The following TSPAN3 variants were observed in gnomAD, a reference collection of about 807,000 sequenced individuals.
TSPAN3 encodes tetraspanin 3.
In TSPAN3, 9 loss-of-function variants were observed where a neutral mutation model predicts 31.1. The ratio of observed to expected loss-of-function variants is 0.29; its 90% CI spans 0.17 to 0.50. The LOEUF is 0.50. Ranked by LOEUF, TSPAN3 falls within the 20% of genes least tolerant of loss-of-function variation. TSPAN3 has a pLI of 0.98. For synonymous variants in TSPAN3, 129 were observed against 114.3 expected (o/e 1.13, Z -0.82); for missense variants, 252 against 313.5 (o/e 0.80, Z 1.48).
At chr15:77,067,461 G>A (rs778136769) in intron 1 of TSPAN3, among the ~76,000 whole-genome samples, 2 of 152,188 alleles carry the variant, frequency 1.3e-5, no homozygotes, top group Non-Finnish European at 2.9e-5. Context: ...TAAAGGTCTT[G>A]CCAAAGCAAT....
At position 77,062,062 on chromosome 15, in the gene TSPAN3, A is replaced by AG. The variant is rs1287920140; in HGVS notation, c.64-5808dup. Among the ~76,000 whole-genome samples, 8 of 152,332 alleles carry AG rather than the reference A, an allele frequency of 5.3e-5. No homozygotes were observed. The East Asian group carries it at 1.5e-3, about 29-fold the overall frequency. ...GTAAGAAAGCAGGTTTTAAAAGCAG[A>AG]GGGAAAAAATAGGCAGGAATCCATC... On this transcript the variant is annotated intron_variant, in intron 1 of 6. Coordinates refer to ENST00000267970, the MANE Select transcript of TSPAN3 (RefSeq NM_005724.6).
intron 6 of TSPAN3, among the ~76,000 whole-genome samples, chr15:77,050,262 A>G (rs745690771): frequency 3.3e-5 from 5 of 152,082 alleles, no homozygotes; most frequent in Non-Finnish European, 5.9e-5. Flanking sequence ...ATTCAGATAA[A>G]TTTTCTCCCC....
At chr15:77,070,582 C>CGGGG (rs146229066) in intron 1 of TSPAN3, among the ~76,000 whole-genome samples, 6 of 149,228 alleles carry the variant, frequency 4.0e-5, no homozygotes, top group Non-Finnish European at 9.0e-5. Context: ...CCGGCGACTC[C>CGGGG]GGGGGGGGGA....
chr15:77,063,082 A>G (rs865858883), intron 1 of TSPAN3, among the ~76,000 whole-genome samples: 6 of 152,202 alleles, frequency 3.9e-5, no homozygotes, highest in Admixed American at 2.0e-4. Context: ...TCTCTCACCA[A>G]TGAATTCATT....
chr15:77,052,580 GAA>G (rs2076739321), intron 5 of TSPAN3, 112 bp from the exon 6 acceptor site: 1 of 1,185,718 alleles, frequency 8.4e-7, no homozygotes. Context: ...TGAAAGAGTG[GAA>G]AAAAGATTCC....
chr15:77,065,238 T>C (rs907836408), intron 1 of TSPAN3, among the ~76,000 whole-genome samples: 2 of 152,154 alleles, frequency 1.3e-5, no homozygotes, highest in African/African-American at 2.4e-5. Flanking sequence ...TCTGATCATT[T>C]TTCTTGTTTA....
rs989360894 is a variant in TSPAN3, at chr15:77,043,969, CAGAT to C, written c.*2862_*2865del. 1 of 152,140 alleles carries C rather than the reference CAGAT, an allele frequency of 6.6e-6. No individual in the cohort carries two copies. The highest frequency in any genetic ancestry group is 2.1e-4 in the South Asian group (1 of 4,826). 9.4% of individuals were successfully genotyped at this position (152,140 alleles called of 1,614,324 possible). A position where few individuals can be genotyped will look rare whatever the true frequency, so the allele number is the denominator to read the frequency against. On this transcript the variant is annotated 3_prime_UTR_variant, in exon 7 of 7. Transcript: ENST00000267970. Reference sequence around the variant, plus strand: ...CACACACATTTGAGAACACACATGACAGATAGAATGGGACGAAATGTTAATAGGT... The same window carrying C: ...CACACACATTTGAGAACACACATGACAGAATGGGACGAAATGTTAATAGGT...
At chr15:77,053,634 G>T (rs2076747732) in intron 4 of TSPAN3, among the ~76,000 whole-genome samples, 1 of 151,936 alleles carries the variant, frequency 6.6e-6, no homozygotes, top group African/African-American at 2.4e-5. Context: ...TAAAAATTTT[G>T]AGATTTGCTT....
At chr15:77,065,157 T>A (rs74353578) in intron 1 of TSPAN3, among the ~76,000 whole-genome samples, 6 of 152,188 alleles carry the variant, frequency 3.9e-5, no homozygotes, top group Non-Finnish European at 8.8e-5. Flanking sequence ...CTCCAGATTT[T>A]TTTTGCCAAC....
At chr15:77,050,936 G>C (rs528150670) in intron 6 of TSPAN3, among the ~76,000 whole-genome samples, 2 of 152,184 alleles carry the variant, frequency 1.3e-5, no homozygotes, top group Non-Finnish European at 1.5e-5. Flanking sequence ...ATTTTAAAAG[G>C]CCTTTCCCAT....
chr15:77,067,822 A>G (rs1428786543), intron 1 of TSPAN3: 1 of 152,254 alleles, frequency 6.6e-6, no homozygotes, highest in Admixed American at 6.5e-5. Context: ...CAAAATCAGC[A>G]TGCTTTAGAG....
At chr15:77,069,088 T>A (rs2076850871) in intron 1 of TSPAN3, among the ~76,000 whole-genome samples, 1 of 152,254 alleles carries the variant, frequency 6.6e-6, no homozygotes, top group Non-Finnish European at 1.5e-5. Flanking sequence ...TCATTTGTTT[T>A]CCAGTCATTT....
rs147990473 is a variant in TSPAN3 at position 77,057,111 on chromosome 15, G to A, written c.64-856C>T. ...CTGCTGCTCCAGGCATCATTCTCCA[G>A]CTGCAGAGTCTTACTTTCTCCGCTA... On this transcript the variant is annotated intron_variant, in intron 1 of 6. Transcript: ENST00000267970. 2.9e-4 allele frequency among the ~76,000 whole-genome samples: 44 copies of A among 152,328 alleles called. No individual in the cohort carries two copies. In the East Asian group the frequency reaches 8.3e-3, roughly 29 times the overall value.
intron 1 of TSPAN3, among the ~76,000 whole-genome samples, chr15:77,067,502 T>C (rs2076840468): frequency 6.6e-6 from 1 of 152,208 alleles, no homozygotes; most frequent in Non-Finnish European, 1.5e-5. Flanking sequence ...CAATCAGCCA[T>C]TACCATCTGA....
intron 6 of TSPAN3, among the ~76,000 whole-genome samples, chr15:77,048,022 C>T (rs2076705826): frequency 6.6e-6 from 1 of 152,190 alleles, no homozygotes; most frequent in Non-Finnish European, 1.5e-5. Context: ...TCTACCCTCA[C>T]ATTAACCTAT....
intron 4 of TSPAN3, among the ~76,000 whole-genome samples, 165 bp from the exon 5 acceptor site, chr15:77,053,094 A>C (rs1422664183): frequency 6.6e-6 from 1 of 152,200 alleles, no homozygotes; most frequent in African/African-American, 2.4e-5. Flanking sequence ...AGCCACATGA[A>C]GCTCTACTGA....
At chr15:77,055,624 C>A in intron 3 of TSPAN3, 165 bp downstream of exon 3, 1 of 594,600 alleles carries the variant, frequency 1.7e-6, no homozygotes, top group South Asian at 2.3e-5. Flanking sequence ...GGTAAGGAGT[C>A]TTGACATGTA....
At position 77,047,434 on chromosome 15, in the gene TSPAN3, G is replaced by T. The variant is rs115865911; in HGVS notation, c.670-507C>A. Among the ~76,000 whole-genome samples, 477 of 152,262 alleles carry T rather than the reference G, an allele frequency of 3.1e-3. 3 individuals are homozygous for T. The highest frequency in any genetic ancestry group is 0.01 in the African/African-American group (428 of 41,544). Reference sequence around the variant, plus strand: ...TGTGTGTTTAATAGTGGTCTTTTCAGGTCTTTTGGTTTTTGGAAAACGAAA... The same window carrying T: ...TGTGTGTTTAATAGTGGTCTTTTCATGTCTTTTGGTTTTTGGAAAACGAAA... On this transcript the variant is annotated intron_variant, in intron 6 of 6. Coordinates refer to ENST00000267970, the MANE Select transcript of TSPAN3 (RefSeq NM_005724.6).
intron 1 of TSPAN3, among the ~76,000 whole-genome samples, chr15:77,059,035 TG>T (rs972199543): frequency 6.6e-6 from 1 of 152,038 alleles, no homozygotes; most frequent in Non-Finnish European, 1.5e-5. Flanking sequence ...AGCACAAAAG[TG>T]GGGGGGAGTG....
Sources: gnomAD v4.1 joint callset for allele counts (sites outside exome capture counted in the v4.1 genomes callset) on GRCh38, gnomAD v4.1.1 for gene constraint, MANE v1.5 for transcripts, NCBI Gene and HGNC (gene_info 2026-07-23, HGNC 2026-07-21) for gene names.